IWS1: variants seen among roughly 807,000 people sequenced by gnomAD.
IWS1 encodes the protein interacts with SUPT6H, CTD assembly factor 1.
In IWS1, 27 loss-of-function variants were observed where a neutral mutation model predicts 86.7. The ratio of observed to expected loss-of-function variants is 0.31; its 90% CI spans 0.23 to 0.43. The LOEUF is 0.43. Ranked by LOEUF, IWS1 falls within the 20% of genes least tolerant of loss-of-function variation. IWS1 has a pLI of 1.00. For synonymous variants in IWS1, 313 were observed against 335.1 expected (o/e 0.93, Z 0.72); for missense variants, 827 against 1,000.8 (o/e 0.83, Z 2.34).
intron 3 of IWS1, among the ~76,000 whole-genome samples, chr2:127,504,201 T>C (rs140147588): frequency 6.6e-6 from 1 of 152,334 alleles, no homozygotes; most frequent in African/African-American, 2.4e-5. Flanking sequence ...TGGAGAGAGA[T>C]GGTGTCTCTA....
chr2:127,507,996 T>G (rs1691235120), intron 2 of IWS1, among the ~76,000 whole-genome samples: 1 of 152,212 alleles, frequency 6.6e-6, no homozygotes, highest in Non-Finnish European at 1.5e-5. Context: ...GCTCACTCTG[T>G]ATAAGTAAAT....
Position 127,504,994 on chromosome 2 carries a change from C to T in IWS1, c.909G>A (p.Glu303=). 6.2e-7 allele frequency: 1 copy of T among 1,613,950 alleles called. No individual in the cohort carries two copies. The highest frequency in any genetic ancestry group is 8.5e-7 in the Non-Finnish European group (1 of 1,179,968). The stretch of plus-strand genomic sequence containing the variant: ...CAGGCCCCTTCTGAGGCCCCTCACT[C>T]TCAGAGTCACTGACTCGGGGTTTGG... ...ELPKPRVSDS[E]SEGPQKGPAS... Residue 303 remains glutamate (E), a synonymous_variant, in exon 3 of 14, where the codon GAG becomes GAA. Transcript: ENST00000295321.
rs997476618 is a variant in IWS1, at chr2:127,489,607, G to A, written c.2159+225C>T. 2.6e-5 allele frequency: 14 copies of A among 546,526 alleles called. No homozygotes were observed. Among genetic ancestry groups the A allele is most frequent in the Non-Finnish European group, 4.5e-5 (14 of 309,722 alleles). The allele number at this position is 546,526 out of a possible 1,614,324, so 33.9% of individuals were successfully genotyped here. Reference sequence around the variant, plus strand: ...CACAAGCAATCAGTATCCTGAAACAGGCCCTGTTCCAACAAACTGACCCAG... The same window carrying A: ...CACAAGCAATCAGTATCCTGAAACAAGCCCTGTTCCAACAAACTGACCCAG... On this transcript the variant is annotated intron_variant, in intron 11 of 13. Transcript: ENST00000295321. The surrounding 1 kb of genome is among the most constrained non-coding windows in gnomAD (Gnocchi z 4.8).
At position 127,505,097 on chromosome 2, in the gene IWS1, G is replaced by A. The variant is rs1342994829; in HGVS notation, c.806C>T (p.Pro269Leu). Residue 269 changes from proline to leucine, a missense_variant, in exon 3 of 14, where the codon CCC (proline) becomes CTC (leucine). Pro to Leu is a moderately conservative substitution (Grantham distance 98). Transcript: ENST00000295321. The surrounding 1 kb of genome is among the most constrained non-coding windows in gnomAD (Gnocchi z 5.0). Reference sequence around the variant, plus strand: ...TTCCGAATCACTGATTCGGGGTTTGGGAAGCTCTTCATTTTCTGAGTCACT... The same window carrying A: ...TTCCGAATCACTGATTCGGGGTTTGAGAAGCTCTTCATTTTCTGAGTCACT... Reference protein sequence around the residue: ...QASDSENEELPKPRISDSESE... With the variant: ...QASDSENEELLKPRISDSESE... 1 of 1,610,500 alleles carries A rather than the reference G, an allele frequency of 6.2e-7. No homozygotes were observed. Among genetic ancestry groups the A allele is most frequent in the Non-Finnish European group, 8.5e-7 (1 of 1,178,046 alleles).
intron 2 of IWS1, among the ~76,000 whole-genome samples, chr2:127,516,482 C>G (rs762349247): frequency 3.9e-5 from 6 of 152,134 alleles, no homozygotes; most frequent in Admixed American, 2.0e-4. Context: ...AGAAATAGGC[C>G]TGGCACAATG....
chr2:127,503,011 TAC>T, intron 4 of IWS1, 139 bp from the exon 5 acceptor site: 1 of 594,232 alleles, frequency 1.7e-6, no homozygotes, highest in Non-Finnish European at 3.0e-6. Flanking sequence ...AACAAATATA[TAC>T]ACTCATGTAA....
intron 2 of IWS1, among the ~76,000 whole-genome samples, chr2:127,523,221 CATT>C (rs1036280544): frequency 2.0e-5 from 3 of 151,976 alleles, no homozygotes; most frequent in African/African-American, 7.3e-5. Context: ...AAAAAAAAAG[CATT>C]ATTATTACAT....
At chr2:127,493,259 A>G (rs2104671256) in intron 9 of IWS1, 22 bp downstream of exon 9, 1 of 1,598,926 alleles carries the variant, frequency 6.3e-7, no homozygotes, top group Admixed American at 1.8e-5. Context: ...AATAAAGAAC[A>G]GTCAGATTAT....
chr2:127,520,162 A>ATT (rs1301382348), intron 2 of IWS1, among the ~76,000 whole-genome samples: 1 of 151,702 alleles, frequency 6.6e-6, no homozygotes, highest in Non-Finnish European at 1.5e-5. Flanking sequence ...GTACTGCCCC[A>ATT]TTTTTTTTGT....
Position 127,505,398 on chromosome 2 carries a change from C to G in IWS1, c.505G>C (p.Ala169Pro), listed in dbSNP as rs760478078. 3 of 1,613,966 alleles carry G rather than the reference C, an allele frequency of 1.9e-6. No homozygotes were observed. In the South Asian group the frequency reaches 3.3e-5, roughly 18 times the overall value. Residue 169 changes from alanine (A) to proline (P), a missense_variant, in exon 3 of 14, where the codon GCT (alanine) becomes CCT (proline). Ala to Pro is a conservative substitution (Grantham distance 27). Around this residue, in one of 2 missense-constraint regions of IWS1, gnomAD observed 548 missense variants for 560.2 expected, o/e 0.98. Transcript: ENST00000295321. This position sits in a 1 kb window ranked among gnomAD's most constrained non-coding sequence, Gnocchi z 5.0. ...SEIEELQKSP[A>P]SDSETEDALK... is the part of the protein sequence containing the mutation. ...GCATCTTCTGTTTCAGAGTCACTAG[C>G]AGGACTCTTCTGGAGCTCCTCAATC...
chr2:127,498,264 T>A (rs762813801), intron 5 of IWS1, 27 bp from the exon 6 acceptor site: 4 of 1,597,472 alleles, frequency 2.5e-6, no homozygotes, highest in Non-Finnish European at 3.4e-6. Context: ...CACAACCTCC[T>A]TACAGATTTT....
Position 127,505,166 on chromosome 2 carries a change from C to G in IWS1, c.737G>C (p.Arg246Pro). The stretch of plus-strand genomic sequence containing the variant: ...GTCCTCACTTTCTGAGTCACTGATA[C>G]GAGGTTTGGGAAGCTCCTCATTTTC... ...DSENEELPKP[R>P]ISDSESEDPP... The change falls in exon 3 of 14, where the codon CGT becomes CCT. Residue 246 changes from arginine (R) to proline (P), a missense_variant. Arg to Pro is a moderately radical substitution (Grantham distance 103). This residue lies in a region of IWS1 where 548 missense variants were observed against 560.2 expected (regional missense o/e 0.98). Transcript: ENST00000295321. This position sits in a 1 kb window ranked among gnomAD's most constrained non-coding sequence, Gnocchi z 5.0. The G allele has an allele frequency of 6.2e-7, 1 of 1,611,638 alleles. No homozygotes were observed.
intron 2 of IWS1, among the ~76,000 whole-genome samples, chr2:127,522,242 A>T (rs1260565821): frequency 6.6e-6 from 1 of 152,144 alleles, no homozygotes; most frequent in Admixed American, 6.5e-5. Context: ...TTCTTCCCCT[A>T]AACGTCCATA....
At chr2:127,512,015 G>A (rs1691479544) in intron 2 of IWS1, among the ~76,000 whole-genome samples, 1 of 152,172 alleles carries the variant, frequency 6.6e-6, no homozygotes, top group Non-Finnish European at 1.5e-5. Flanking sequence ...CTGACTTCAA[G>A]GGCAGATGGC....
rs779693736 is a variant in IWS1 at position 127,503,494 on chromosome 2, C to A, written c.1302G>T (p.Lys434Asn). Residue 434 changes from lysine (K) to asparagine (N), a missense_variant, in exon 4 of 14, where the codon AAG becomes AAT. Physicochemically the swap from Lys to Asn is moderately conservative, Grantham distance 94 (BLOSUM62 0). This residue lies in a region of IWS1 where 548 missense variants were observed against 560.2 expected (regional missense o/e 0.98). Coordinates refer to ENST00000295321, the MANE Select transcript of IWS1 (RefSeq NM_017969.3). ...CTTCCTCACTGTCAGATGCTATGGT[C>A]TTCTCTCTTTTGCCTGACTTGTCTG... ...AVSDKSGKRE[K>N]TIASDSEEEA... 1.2e-6 allele frequency: 2 copies of A among 1,613,658 alleles called. No homozygotes were observed. The highest frequency in any genetic ancestry group is 1.1e-5 in the South Asian group (1 of 91,054).
chr2:127,494,719 T>C, intron 8 of IWS1, 153 bp downstream of exon 8: 1 of 431,218 alleles, frequency 2.3e-6, no homozygotes, highest in Non-Finnish European at 4.1e-6. Flanking sequence ...TAAAAATTTA[T>C]GAAGAAATAT....
chr2:127,505,102 C>G lies in IWS1; in HGVS notation c.801G>C (p.Glu267Asp), dbSNP rs759841921. Residue 267 changes from glutamate to aspartate, a missense_variant, in exon 3 of 14, where the codon GAG becomes GAC. By Grantham distance (45) the Glu-to-Asp change is conservative (BLOSUM62 2). Coordinates refer to ENST00000295321, the MANE Select transcript of IWS1 (RefSeq NM_017969.3). This position sits in a 1 kb window ranked among gnomAD's most constrained non-coding sequence, Gnocchi z 5.0. ...RHQASDSENE[E>D]LPKPRISDSE... ...AATCACTGATTCGGGGTTTGGGAAG[C>G]TCTTCATTTTCTGAGTCACTGGCCT... 22 of 1,610,490 alleles carry G rather than the reference C, an allele frequency of 1.4e-5. No individual in the cohort carries two copies. In the South Asian group the frequency reaches 2.3e-4, roughly 17 times the overall value.
intron 1 of IWS1, among the ~76,000 whole-genome samples, chr2:127,525,261 A>C (rs926728416): frequency 6.6e-6 from 1 of 152,146 alleles, no homozygotes; most frequent in African/African-American, 2.4e-5. Flanking sequence ...CACCTGGCTT[A>C]GGAAAGTGTT....
chr2:127,504,632 A>T, intron 3 of IWS1, 52 bp downstream of exon 3: 1 of 1,264,030 alleles, frequency 7.9e-7, no homozygotes. Context: ...CACAGTTACA[A>T]GCTTAGACAA....
Sources: allele counts gnomAD v4.1 joint callset (sites outside exome capture counted in the v4.1 genomes callset), GRCh38; gene constraint gnomAD v4.1.1; regional missense constraint gnomAD v4.1.1; non-coding constraint Gnocchi (gnomAD v3.1); transcripts MANE v1.5; gene names NCBI Gene and HGNC (gene_info 2026-07-23, HGNC 2026-07-21).